PAK1: variants seen among roughly 807,000 people sequenced by gnomAD.
PAK1 encodes p21 (RAC1) activated kinase 1.
PAK1 carries 29 observed loss-of-function variants against 67.4 expected under a neutral mutation model. The observed-to-expected ratio is 0.43, with a 90% CI of 0.32 to 0.59. The LOEUF (loss-of-function observed/expected upper bound fraction) is 0.59. Ranked by LOEUF, PAK1 falls within the 20% of genes least tolerant of loss-of-function variation. The pLI is 0.07. For synonymous variants in PAK1, 223 were observed against 237.4 expected (o/e 0.94, Z 0.56); for missense variants, 337 against 670.7 (o/e 0.50, Z 5.50).
At chr11:77,528,007 GC>G in the PAK1 span, among the ~76,000 whole-genome samples, 1 of 151,782 alleles carries the variant, frequency 6.6e-6, no homozygotes, top group Non-Finnish European at 1.5e-5. Context: ...GTGCCACCAT[GC>G]CCAGCTAATT....
chr11:77,359,522 A>C (rs552295001), intron 5 of PAK1, among the ~76,000 whole-genome samples: 47 of 152,246 alleles, frequency 3.1e-4, no homozygotes, highest in Non-Finnish European at 5.1e-4. Context: ...AAATCTCCTG[A>C]ACCCATTACA....
chr11:77,370,840 A>G (rs1202906169), intron 5 of PAK1, among the ~76,000 whole-genome samples: 2 of 152,234 alleles, frequency 1.3e-5, no homozygotes, highest in African/African-American at 4.8e-5. Flanking sequence ...TAGACATCAC[A>G]TATCCAACTA....
intron 1 of PAK1, among the ~76,000 whole-genome samples, chr11:77,451,317 GAA>G (rs1261491051): frequency 6.6e-6 from 1 of 152,136 alleles, no homozygotes; most frequent in Admixed American, 6.5e-5. Context: ...ATTCCCAGAG[GAA>G]AGCCTCATTT....
intron 1 of PAK1, among the ~76,000 whole-genome samples, chr11:77,417,974 G>T (rs1050073738): frequency 1.1e-4 from 17 of 152,030 alleles, no homozygotes; most frequent in Admixed American, 8.5e-4. Context: ...GACCTCAGGG[G>T]ATCTACCTGC....
chr11:77,446,511 CAAAAAAAAA>C (rs56952838), intron 1 of PAK1, among the ~76,000 whole-genome samples: 19 of 60,658 alleles, frequency 3.1e-4, no homozygotes, highest in African/African-American at 1.1e-3. Context: ...GACCCTGTCT[CAAAAAAAAA>C]AAAAAAAAAA....
At chr11:77,364,119 A>C (rs1416607095) in intron 5 of PAK1, among the ~76,000 whole-genome samples, 2 of 152,242 alleles carry the variant, frequency 1.3e-5, no homozygotes, top group Non-Finnish European at 2.9e-5. Flanking sequence ...AGGGCAAACT[A>C]ATTTCTGGCT....
chr11:77,479,084 C>CAAAA (rs757138155), upstream of PAK1, among the ~76,000 whole-genome samples: 884 of 88,688 alleles, frequency 1.0e-2, 25 homozygotes, highest in African/African-American at 0.033. Context: ...GACTCCGTCT[C>CAAAA]AAAAAAAAAA....
chr11:77,384,281 C>T (rs766713004), intron 2 of PAK1, among the ~76,000 whole-genome samples: 2 of 152,110 alleles, frequency 1.3e-5, no homozygotes, highest in South Asian at 2.1e-4. Flanking sequence ...CTAAGAGCTT[C>T]GGACTGAGGG....
chr11:77,429,548 C>T (rs1220084025), intron 1 of PAK1, among the ~76,000 whole-genome samples: 1 of 152,164 alleles, frequency 6.6e-6, no homozygotes, highest in Non-Finnish European at 1.5e-5. Flanking sequence ...GAAACGAATA[C>T]AGCACCAGTT....
At chr11:77,403,013 C>T (rs1477850498) in intron 1 of PAK1, among the ~76,000 whole-genome samples, 3 of 152,186 alleles carry the variant, frequency 2.0e-5, no homozygotes, top group African/African-American at 7.2e-5. Flanking sequence ...CCACTGGCTA[C>T]ACTCTTGCTC....
intron 2 of PAK1, among the ~76,000 whole-genome samples, chr11:77,380,905 T>TAA (rs1949721958): frequency 6.6e-6 from 1 of 152,136 alleles, no homozygotes. Flanking sequence ...AGGGCAGGAA[T>TAA]AAATGTTCAT....
chr11:77,325,268 TG>T, intron 14 of PAK1: 1 of 1,602,292 alleles, frequency 6.2e-7, no homozygotes, highest in South Asian at 1.1e-5. Context: ...TTAAGAGCAG[TG>T]GCCAAGAGCA....
chr11:77,471,347 G>T (rs138774695), intron 1 of PAK1, among the ~76,000 whole-genome samples: 102 of 152,230 alleles, frequency 6.7e-4, no homozygotes, highest in African/African-American at 2.4e-3. Context: ...CATTTAAAGG[G>T]CTTATTAAAG....
chr11:77,333,356 C>A (rs1942078432), intron 13 of PAK1, among the ~76,000 whole-genome samples: 1 of 152,086 alleles, frequency 6.6e-6, no homozygotes, highest in Admixed American at 6.5e-5. Flanking sequence ...AGCCACTACA[C>A]CCGACTGCTT....
chr11:77,325,918 T>C (rs1466877074), intron 14 of PAK1, among the ~76,000 whole-genome samples: 1 of 152,196 alleles, frequency 6.6e-6, no homozygotes, highest in African/African-American at 2.4e-5. Flanking sequence ...AGTCAAGTCC[T>C]AGGTAAAACA....
At chr11:77,428,760 A>G (rs1373254305) in intron 1 of PAK1, among the ~76,000 whole-genome samples, 1 of 151,774 alleles carries the variant, frequency 6.6e-6, no homozygotes, top group Admixed American at 6.6e-5. Context: ...GTGGAATATC[A>G]TAGTCTAAGT....
chr11:77,434,308 A>C (rs772637259), intron 1 of PAK1, among the ~76,000 whole-genome samples: 31 of 152,392 alleles, frequency 2.0e-4, no homozygotes, highest in Middle Eastern at 3.4e-3. Context: ...AGTAAATACA[A>C]TTACATAGAT....
the PAK1 span, among the ~76,000 whole-genome samples, chr11:77,482,179 G>T: frequency 6.6e-6 from 1 of 151,662 alleles, no homozygotes; most frequent in Admixed American, 6.6e-5. Flanking sequence ...AATAGAGATG[G>T]GGTTTCATCA....
At position 77,431,565 on chromosome 11, in the gene PAK1, T is replaced by TA. The variant is rs1408726284; in HGVS notation, c.-21-39025dup. Among the ~76,000 whole-genome samples, 3 of 152,244 alleles carry TA rather than the reference T, an allele frequency of 2.0e-5. No homozygotes were observed. The East Asian group carries it at 5.8e-4, about 29-fold the overall frequency. On this transcript the variant is annotated intron_variant, in intron 1 of 14. Coordinates refer to ENST00000356341, the MANE Select transcript of PAK1 (RefSeq NM_002576.5). ...CCCCTTTCACCAGAATGTGGACTGA[T>TA]ATGGAAGGCAATCATCTCTCTGAGA...
Sources: allele counts gnomAD v4.1 joint callset (sites outside exome capture counted in the v4.1 genomes callset), GRCh38; gene constraint gnomAD v4.1.1; transcripts MANE v1.5; gene names NCBI Gene and HGNC (gene_info 2026-07-23, HGNC 2026-07-21).